The following NBPF20 variants were observed in gnomAD, a reference collection of about 807,000 sequenced individuals.
NBPF20 encodes NBPF member 20.
In NBPF20, 90 loss-of-function variants were observed where a neutral mutation model predicts 68.1. That is an observed-to-expected ratio of 1.32 (90% confidence interval 1.11 to 1.58). NBPF20 has a LOEUF of 1.58. Ranked by LOEUF, NBPF20 falls within the 40% of genes most tolerant of loss-of-function variation. NBPF20 has a pLI of 0.00. For synonymous variants in NBPF20, 290 were observed against 228.1 expected, an observed-to-expected ratio of 1.27 and a Z score of -2.45; for missense variants, 816 against 601.2, an observed-to-expected ratio of 1.36 and a Z score of -3.74.
exon 137 of NBPF20, chr1:145,292,478 T>G: frequency 2.8e-6 from 2 of 716,782 alleles, no homozygotes. Flanking sequence ...CCCTTCCCCT[T>G]CTTTTCAATT....
At chr1:145,398,868 GA>G (rs1261110538) in intron 7 of NBPF20, among the ~76,000 whole-genome samples, 180 bp downstream of exon 12, 1 of 149,752 alleles carries the variant, frequency 6.7e-6, no homozygotes, top group East Asian at 1.9e-4. Flanking sequence ...CCTATCTTGA[GA>G]GGACTATGAA....
intron 7 of NBPF20, among the ~76,000 whole-genome samples, chr1:145,397,348 C>T (rs1474492609): frequency 6.6e-6 from 1 of 152,180 alleles, no homozygotes; most frequent in African/African-American, 2.4e-5. Context: ...TGTCACACTG[C>T]CTTCCACAAT....
chr1:145,410,018 C>A (rs1662944556), upstream of NBPF20, among the ~76,000 whole-genome samples: 1 of 151,954 alleles, frequency 6.6e-6, no homozygotes, highest in Admixed American at 6.6e-5. Flanking sequence ...ACATACAGAT[C>A]ATTGTGCAGA....
chr1:145,417,202 A>G, the NBPF20 span, among the ~76,000 whole-genome samples: 1 of 150,984 alleles, frequency 6.6e-6, no homozygotes, highest in African/African-American at 2.4e-5. Context: ...AGGTTTAGAG[A>G]CAATTTAAAA....
chr1:145,424,286 T>C, the NBPF20 span, among the ~76,000 whole-genome samples: 8 of 151,350 alleles, frequency 5.3e-5, no homozygotes, highest in African/African-American at 1.9e-4. Context: ...CACCTGCACA[T>C]TTAAAATTGT....
chr1:145,410,749 TAC>T, the NBPF20 span, among the ~76,000 whole-genome samples: 1 of 141,768 alleles, frequency 7.1e-6, no homozygotes, highest in Non-Finnish European at 1.5e-5. Flanking sequence ...TATATATATA[TAC>T]ATATATATAT....
In NBPF20 at chr1:145,393,810, T is replaced by C. The variant is rs1407444351; in HGVS notation, c.1043+74A>G. The C allele has an allele frequency of 4.0e-6, 5 of 1,243,772 alleles. No homozygotes were observed. The African/African-American group carries it at 7.4e-5, about 18-fold the overall frequency. 77.0% of individuals were successfully genotyped at this position (1,243,772 alleles called of 1,614,324 possible). On this transcript the variant is annotated intron_variant, in intron 9 of 137. Transcript: ENST00000369373. ...CAAGACAAAATCATTATTTTCAGCA[T>C]GTACTGTTTTCCCTGGACTTGGCAT... is the stretch of plus-strand genomic sequence containing the variant.
chr1:145,366,555 C>A (rs1661697154), intron 43 of NBPF20, among the ~76,000 whole-genome samples: 1 of 97,538 alleles, frequency 1.0e-5, no homozygotes, highest in African/African-American at 4.4e-5. Flanking sequence ...GATAGACACA[C>A]ACACACACAC....
intron 7 of NBPF20, among the ~76,000 whole-genome samples, chr1:145,397,925 G>T (rs1477392865): frequency 3.9e-5 from 6 of 151,982 alleles, no homozygotes; most frequent in Admixed American, 6.6e-5. Context: ...AAAAGGCAGG[G>T]GTTGCAATCC....
chr1:145,407,145 G>A (rs1374740726), upstream of NBPF20, among the ~76,000 whole-genome samples: 10 of 148,008 alleles, frequency 6.8e-5, no homozygotes, highest in Non-Finnish European at 1.0e-4. Context: ...TTTCCCCAAT[G>A]AAGGGCATTG....
intron 9 of NBPF20, among the ~76,000 whole-genome samples, 176 bp from the exon 15 acceptor site, chr1:145,393,422 A>T (rs1266711559): frequency 6.7e-6 from 1 of 150,056 alleles, no homozygotes; most frequent in African/African-American, 2.5e-5. Flanking sequence ...GTAGAAAAGG[A>T]TGAAAGAGAG....
intron 9 of NBPF20, 97 bp from the exon 15 acceptor site, chr1:145,393,343 A>G: frequency 5.7e-6 from 4 of 699,256 alleles, no homozygotes; most frequent in South Asian, 1.6e-5. Context: ...AGAGTTTGAA[A>G]AGAAAAAGGA....
intron 5 of NBPF20, 144 bp downstream of exon 10, chr1:145,400,915 T>G (rs1433314515): frequency 1.2e-5 from 13 of 1,053,956 alleles, no homozygotes; most frequent in Non-Finnish European, 1.9e-5. Context: ...TGCCGCACCC[T>G]GTGTCTAAGC....
At chr1:145,424,201 C>T in the NBPF20 span, among the ~76,000 whole-genome samples, 3 of 149,124 alleles carry the variant, frequency 2.0e-5, no homozygotes, top group Non-Finnish European at 3.0e-5. Context: ...GTCTGGAAAT[C>T]CTGGGCTCAA....
At chr1:145,292,624 G>A (rs373794503) in intron 136 of NBPF20, 135 bp from the exon 142 acceptor site, 20 of 744,172 alleles carry the variant, frequency 2.7e-5, no homozygotes, top group South Asian at 2.0e-4. Context: ...ATATATTTCA[G>A]GAGGCCTGAA....
intron 3 of NBPF20, 102 bp downstream of exon 8, chr1:145,403,114 C>T: frequency 3.8e-6 from 5 of 1,333,066 alleles, no homozygotes; most frequent in Non-Finnish European, 5.4e-6. Context: ...AATTCCTGCC[C>T]TTCCCCTGGC....
the NBPF20 span, among the ~76,000 whole-genome samples, chr1:145,425,567 C>T: frequency 6.6e-6 from 1 of 152,228 alleles, no homozygotes; most frequent in Admixed American, 6.5e-5. Flanking sequence ...CCATAGCCTG[C>T]GGCCAGCTGG....
chr1:145,390,369 CA>C lies in NBPF20; in HGVS notation c.1494-254del, dbSNP rs1365376894. Among the ~76,000 whole-genome samples, 17 of 62,678 alleles carry C rather than the reference CA, an allele frequency of 2.7e-4. No individual in the cohort carries two copies. In the Admixed American group the frequency reaches 3.2e-3, roughly 12 times the overall value. The allele number at this position is 62,678 out of a possible 152,430, so 41.1% of individuals were successfully genotyped here. ...AGACACACACACAGACACACACACA[CA>C]CAGAGAGAGAACGAGCTCAGTGAAT... On this transcript the variant is annotated intron_variant, in intron 13 of 137. Transcript: ENST00000369373.
chr1:145,342,802 C>T (rs1435282162), intron 73 of NBPF20, among the ~76,000 whole-genome samples: 4 of 116,332 alleles, frequency 3.4e-5, no homozygotes, highest in Non-Finnish European at 5.3e-5. Context: ...CACAGACACA[C>T]ACACACACAC....
Sources: gnomAD v4.1 joint callset for allele counts (sites outside exome capture counted in the v4.1 genomes callset) on GRCh38, gnomAD v4.1.1 for gene constraint, MANE v1.5 for transcripts, NCBI Gene and HGNC (gene_info 2026-07-23, HGNC 2026-07-21) for gene names.